TRAF2: variants seen among roughly 807,000 people sequenced by gnomAD.
TRAF2 encodes TNF receptor-associated factor 2.
Under a neutral mutation model 55.6 loss-of-function variants are expected in TRAF2, and 6 were observed. The observed-to-expected ratio is 0.11, with a 90% CI of 0.06 to 0.21. The LOEUF is 0.21. Among genes scored for constraint, TRAF2 ranks in the 10% least tolerant of loss-of-function variants. TRAF2 has a pLI of 1.00. For synonymous variants in TRAF2, 329 were observed against 276.3 expected, an observed-to-expected ratio of 1.19 and a Z score of -1.89; for missense variants, 561 against 684.5, an observed-to-expected ratio of 0.82 and a Z score of 2.01.
rs17250372 is a variant in TRAF2, at chr9:136,907,132, G to T, written c.367-938G>T. On this transcript the variant is annotated intron_variant, in intron 4 of 10. Transcript: ENST00000247668. ...CTGGGTGTGGCGAGGAGCTGGCACC[G>T]CCTCCCTTCCCTCTGTGTCCTTTTC... Among the ~76,000 whole-genome samples the T allele has an allele frequency of 4.5e-4, 68 of 152,330 alleles. 1 individual carries two copies. Among genetic ancestry groups the T allele is most frequent in the African/African-American group, 1.5e-3 (62 of 41,576 alleles).
At chr9:136,924,980 G>T (rs529964374) in intron 10 of TRAF2, among the ~76,000 whole-genome samples, 1 of 152,162 alleles carries the variant, frequency 6.6e-6, no homozygotes, top group Non-Finnish European at 1.5e-5. Context: ...CTTGTGATCC[G>T]CCCACCTTGG....
intron 6 of TRAF2, among the ~76,000 whole-genome samples, chr9:136,915,706 C>T (rs561047909): frequency 9.9e-5 from 15 of 152,276 alleles, no homozygotes; most frequent in Middle Eastern, 3.4e-3. Context: ...GCGGTTCTGA[C>T]GGGCGTTTCC....
In TRAF2 at chr9:136,908,091, C is replaced by A; in HGVS notation, c.388C>A (p.Pro130Thr). Residue 130 changes from proline (P) to threonine (T), a missense_variant, in exon 5 of 11, where the codon CCG becomes ACG. Around this residue, in one of 2 missense-constraint regions of TRAF2, gnomAD observed 426 missense variants for 476.8 expected, o/e 0.89. Coordinates refer to ENST00000247668, the MANE Select transcript of TRAF2 (RefSeq NM_021138.4). ...EYESCHEGRC[P>T]LMLTECPACK... is the part of the protein sequence containing the mutation. ...CTAGAGCTGCCACGAAGGCCGCTGC[C>A]CGCTCATGCTGACCGAATGTCCCGC... 1 of 1,604,802 alleles carries A rather than the reference C, an allele frequency of 6.2e-7. No homozygotes were observed. The highest frequency in any genetic ancestry group is 1.3e-5 in the African/African-American group (1 of 74,998).
In TRAF2 at chr9:136,899,654, T is replaced by C. The variant is rs1328125220; in HGVS notation, c.249T>C (p.Ser83=). The part of the protein sequence containing the change: ...VHEGIYEEGI[S]ILESSSAFPD... The stretch of plus-strand genomic sequence containing the variant: ...AGGGCATATATGAAGAAGGCATTTC[T>C]ATTTTAGAAAGCAGTTCGGTAAGTA... The change falls in exon 3 of 11, where the codon TCT becomes TCC. Residue 83 remains serine (S), a synonymous_variant. Transcript: ENST00000247668. 6.2e-7 allele frequency: 1 copy of C among 1,613,038 alleles called. No individual in the cohort carries two copies. The highest frequency in any genetic ancestry group is 8.5e-7 in the Non-Finnish European group (1 of 1,179,152).
chr9:136,892,744 G>A (rs530902702), intron 1 of TRAF2, among the ~76,000 whole-genome samples: 3 of 152,114 alleles, frequency 2.0e-5, no homozygotes, highest in African/African-American at 7.2e-5. Context: ...GCCAGGCGTG[G>A]TGACAGGCGT....
intron 1 of TRAF2, among the ~76,000 whole-genome samples, chr9:136,897,745 AG>A (rs1297570620): frequency 7.1e-6 from 1 of 140,832 alleles, no homozygotes; most frequent in Non-Finnish European, 1.5e-5. Context: ...TCAGGGCTGG[AG>A]GGGAACCCGT....
intron 1 of TRAF2, among the ~76,000 whole-genome samples, chr9:136,897,995 C>T (rs924498906): frequency 7.7e-6 from 1 of 130,214 alleles, no homozygotes; most frequent in African/African-American, 3.0e-5. Flanking sequence ...ATAGGGAGTG[C>T]ACTAGCCAGC....
chr9:136,912,185 C>CA (rs1850130845), intron 6 of TRAF2, among the ~76,000 whole-genome samples: 1 of 81,594 alleles, frequency 1.2e-5, no homozygotes, highest in Admixed American at 2.0e-4. Context: ...TTTTTGGAGA[C>CA]AGAGTCTCAC....
intron 1 of TRAF2, among the ~76,000 whole-genome samples, chr9:136,892,509 A>G (rs1377216810): frequency 6.6e-6 from 1 of 152,100 alleles, no homozygotes. Context: ...AACCAATGAT[A>G]CTTAAAAATA....
At position 136,901,063 on chromosome 9, in the gene TRAF2, C is replaced by T. The variant is rs181420213; in HGVS notation, c.366+543C>T. Among the ~76,000 whole-genome samples, 25 of 152,194 alleles carry T rather than the reference C, an allele frequency of 1.6e-4. No individual in the cohort carries two copies. The East Asian group carries it at 3.5e-3, about 21-fold the overall frequency. On this transcript the variant is annotated intron_variant, in intron 4 of 10. Coordinates refer to ENST00000247668, the MANE Select transcript of TRAF2 (RefSeq NM_021138.4). Reference sequence around the variant, plus strand: ...TGTCCTGTGGTCACAGCAACATAGGCAGTGGCCCGCACTTCACTTGGCTGT... The same window carrying T: ...TGTCCTGTGGTCACAGCAACATAGGTAGTGGCCCGCACTTCACTTGGCTGT...
intron 5 of TRAF2, 53 bp from the exon 6 acceptor site, chr9:136,909,867 C>T: frequency 1.3e-6 from 2 of 1,594,242 alleles, no homozygotes; most frequent in Non-Finnish European, 1.7e-6. Context: ...CCGCCCTCCA[C>T]CCGCGCCTGG....
intron 6 of TRAF2, among the ~76,000 whole-genome samples, chr9:136,916,063 T>G (rs1339830073): frequency 2.6e-5 from 4 of 152,206 alleles, no homozygotes; most frequent in Non-Finnish European, 5.9e-5. Flanking sequence ...CTCTGTTTCT[T>G]CCCTGGTTCG....
chr9:136,913,108 G>A (rs961881361), intron 6 of TRAF2, among the ~76,000 whole-genome samples: 1 of 151,558 alleles, frequency 6.6e-6, no homozygotes, highest in Admixed American at 6.6e-5. Context: ...GCGCCAGTGC[G>A]CTCCAGCCTG....
chr9:136,915,194 T>C lies in TRAF2; in HGVS notation c.604-1347T>C, dbSNP rs1313412151. ...AACTCCGTCTCAAAAAAAAGTTTTG[T>C]AATTTTGTAAAATGGTTACATGGCA... On this transcript the variant is annotated intron_variant, in intron 6 of 10. Coordinates refer to ENST00000247668, the MANE Select transcript of TRAF2 (RefSeq NM_021138.4). 4.6e-5 allele frequency among the ~76,000 whole-genome samples: 7 copies of C among 152,276 alleles called. No individual in the cohort carries two copies. In the South Asian group the frequency reaches 1.2e-3, roughly 27 times the overall value.
chr9:136,886,976 C>T (rs1849467250), intron 1 of TRAF2, among the ~76,000 whole-genome samples: 1 of 152,204 alleles, frequency 6.6e-6, no homozygotes, highest in South Asian at 2.1e-4. Context: ...CCTCAGCCGG[C>T]TGCGTGCTCG....
At chr9:136,895,832 C>T (rs568601859) in intron 1 of TRAF2, among the ~76,000 whole-genome samples, 108 of 129,592 alleles carry the variant, frequency 8.3e-4, no homozygotes, top group Non-Finnish European at 1.4e-3. Flanking sequence ...GGTGACAGAG[C>T]GTAAGACTCT....
chr9:136,919,683 T>TTCCCTTCGTCCCGTCTTCCCTTCA lies in TRAF2; in HGVS notation c.679-544_679-543insGTCCCGTCTTCCCTTCATCCCTTC, dbSNP rs1232441104. Reference sequence around the variant, plus strand: ...CCCCCTCCTTCTTTCCCTCCCCTTCTTCCCTTCATCCCTTCATCTCGTCCT... The same window carrying TTCCCTTCGTCCCGTCTTCCCTTCA: ...CCCCCTCCTTCTTTCCCTCCCCTTCTTCCCTTCGTCCCGTCTTCCCTTCATCCCTTCATCCCTTCATCTCGTCCT... On this transcript the variant is annotated intron_variant, in intron 7 of 10. Coordinates refer to ENST00000247668, the MANE Select transcript of TRAF2 (RefSeq NM_021138.4). Among the ~76,000 whole-genome samples, 54 of 151,016 alleles carry TTCCCTTCGTCCCGTCTTCCCTTCA rather than the reference T, an allele frequency of 3.6e-4. 1 individual carries two copies. Among genetic ancestry groups the TTCCCTTCGTCCCGTCTTCCCTTCA allele is most frequent in the African/African-American group, 9.0e-4 (37 of 41,216 alleles).
At chr9:136,895,850 GAA>G (rs56199191) in intron 1 of TRAF2, among the ~76,000 whole-genome samples, 1,862 of 132,780 alleles carry the variant, frequency 0.014, 34 homozygotes, top group African/African-American at 0.036. Context: ...TCTGTTTAAG[GAA>G]AAAAAAAAAA....
chr9:136,908,314 C>T (rs1242525588), intron 5 of TRAF2, 83 bp downstream of exon 5: 14 of 1,413,484 alleles, frequency 9.9e-6, no homozygotes, highest in East Asian at 5.0e-5. Context: ...ACTGCGGCTG[C>T]GTCGGCCCCT....
Sources: gnomAD v4.1 joint callset for allele counts (sites outside exome capture counted in the v4.1 genomes callset) on GRCh38, gnomAD v4.1.1 for gene constraint, gnomAD v4.1.1 regional missense constraint, MANE v1.5 for transcripts, NCBI Gene and HGNC (gene_info 2026-07-23, HGNC 2026-07-21) for gene names.